MDFIC: variants seen among roughly 807,000 people sequenced by gnomAD.
MDFIC encodes myoD family inhibitor domain-containing protein.
A neutral mutation model predicts 23.2 loss-of-function variants in MDFIC; 17 were observed. The observed-to-expected ratio is 0.73, with a 90% CI of 0.50 to 1.10. The LOEUF is 1.10. Among genes scored for constraint, MDFIC ranks in the 50% least tolerant of loss-of-function variants. MDFIC has a pLI of 0.00. For synonymous variants in MDFIC, 120 were observed against 115.2 expected (o/e 1.04, Z -0.27); for missense variants, 356 against 316.6 (o/e 1.12, Z -0.95).
intron 2 of MDFIC, among the ~76,000 whole-genome samples, chr7:114,924,804 TA>T (rs1792158972): frequency 6.6e-6 from 1 of 152,204 alleles, no homozygotes; most frequent in Non-Finnish European, 1.5e-5. Flanking sequence ...TATGATGTCT[TA>T]AACAGGCAGA....
chr7:114,954,022 C>G (rs1034603369), intron 3 of MDFIC, among the ~76,000 whole-genome samples: 8 of 152,146 alleles, frequency 5.3e-5, no homozygotes, highest in African/African-American at 1.9e-4. Context: ...GTCTTATTTG[C>G]CCTTCTAGGT....
intron 3 of MDFIC, among the ~76,000 whole-genome samples, chr7:114,949,308 T>C (rs1283275935): frequency 6.6e-6 from 1 of 152,192 alleles, no homozygotes; most frequent in Non-Finnish European, 1.5e-5. Flanking sequence ...GGTAGATTTA[T>C]TCCTCTCCTA....
intron 4 of MDFIC, among the ~76,000 whole-genome samples, chr7:115,005,152 C>T (rs998899304): frequency 1.3e-5 from 2 of 152,174 alleles, no homozygotes; most frequent in African/African-American, 4.8e-5. Flanking sequence ...TTAGCATTTT[C>T]CCTTTCCTTG....
chr7:114,982,940 T>A (rs897919235), intron 4 of MDFIC, among the ~76,000 whole-genome samples: 9 of 152,196 alleles, frequency 5.9e-5, no homozygotes, highest in Admixed American at 3.9e-4. Context: ...ATGAAGCCTC[T>A]TTTGTAATGG....
intron 4 of MDFIC, among the ~76,000 whole-genome samples, chr7:114,980,741 G>A (rs974079488): frequency 2.6e-5 from 4 of 151,740 alleles, no homozygotes; most frequent in Non-Finnish European, 5.9e-5. Flanking sequence ...TTTCTATTTT[G>A]CTATGAAATC....
intron 2 of MDFIC, among the ~76,000 whole-genome samples, chr7:114,941,738 C>T (rs981446810): frequency 7.2e-5 from 11 of 152,264 alleles, no homozygotes; most frequent in African/African-American, 1.9e-4. Context: ...GCGAATCTCT[C>T]GTCCTAAATA....
intron 2 of MDFIC, among the ~76,000 whole-genome samples, chr7:114,931,222 C>G (rs774024178): frequency 1.3e-5 from 2 of 152,200 alleles, no homozygotes; most frequent in Non-Finnish European, 2.9e-5. Flanking sequence ...ATAGATTCTT[C>G]TTCTAATCAC....
At position 115,015,762 on chromosome 7, in the gene MDFIC, G is replaced by A. The variant is rs767872788; in HGVS notation, c.568G>A (p.Ala190Thr). 2.5e-6 allele frequency: 4 copies of A among 1,614,094 alleles called. No individual in the cohort carries two copies. The highest frequency in any genetic ancestry group is 3.4e-6 in the Non-Finnish European group (4 of 1,180,044). ...CCTTTGCAACATTGTCCTGGGACAA[G>A]CGTCATGTGGCATCTGCACCTCAGA... ...LTLCNIVLGQ[A>T]SCGICTSEAC... is the part of the protein sequence containing the mutation. Residue 190 changes from alanine to threonine, a missense_variant, in exon 5 of 5, where the codon GCG (alanine) becomes ACG (threonine). By Grantham distance (58) the Ala-to-Thr change is moderately conservative (BLOSUM62 0). Transcript: ENST00000393486.
Position 114,985,367 on chromosome 7 carries a change from A to G in MDFIC, c.493+5586A>G, listed in dbSNP as rs141083705. On this transcript the variant is annotated intron_variant, in intron 4 of 4. Transcript: ENST00000393486. ...GAATGTTAGCTTCTTGGAAAAGTCA[A>G]TGCCTGGATGGGGACCTGAAAGACA... Among the ~76,000 whole-genome samples the G allele has an allele frequency of 2.8e-3, 420 of 152,266 alleles. 1 individual carries two copies. The highest frequency in any genetic ancestry group is 8.8e-3 in the African/African-American group (367 of 41,552).
intron 2 of MDFIC, among the ~76,000 whole-genome samples, chr7:114,932,772 A>C (rs1177058257): frequency 1.3e-5 from 2 of 152,210 alleles, no homozygotes; most frequent in African/African-American, 4.8e-5. Flanking sequence ...GAGTTAGTGA[A>C]GTTTATAAGT....
intron 3 of MDFIC, among the ~76,000 whole-genome samples, chr7:114,942,966 C>T (rs6947846): frequency 0.81 from 123,650 of 152,138 alleles, 52,023 homozygotes; most frequent in Non-Finnish European, 0.92. Context: ...GTTCTGCTCT[C>T]GAGCTCCTGG....
At chr7:115,014,447 C>A in intron 4 of MDFIC, 2 of 1,289,678 alleles carry the variant, frequency 1.6e-6, no homozygotes, top group South Asian at 2.5e-5. Flanking sequence ...TTCTTTCCTA[C>A]ATCTTTGGTT....
At chr7:114,997,962 A>G (rs775190167) in intron 4 of MDFIC, among the ~76,000 whole-genome samples, 3 of 152,190 alleles carry the variant, frequency 2.0e-5, no homozygotes, top group Non-Finnish European at 2.9e-5. Context: ...CCGGTAGGAT[A>G]TGGCATAGTA....
intron 4 of MDFIC, among the ~76,000 whole-genome samples, chr7:115,000,710 T>C (rs1791450028): frequency 6.6e-6 from 1 of 152,226 alleles, no homozygotes; most frequent in Non-Finnish European, 1.5e-5. Flanking sequence ...ATTAAATTCC[T>C]AAGTAACTTG....
Position 114,943,084 on chromosome 7 carries a change from C to A in MDFIC, c.217+687C>A, listed in dbSNP as rs575000852. On this transcript the variant is annotated intron_variant, in intron 3 of 4. Transcript: ENST00000393486. Reference sequence around the variant, plus strand: ...CCTAGGTGTAAAGATTGCTGCTAAGCCACACCTGGAAGAGCATAGGGAGTA... The same window carrying A: ...CCTAGGTGTAAAGATTGCTGCTAAGACACACCTGGAAGAGCATAGGGAGTA... Among the ~76,000 whole-genome samples the A allele has an allele frequency of 2.0e-5, 3 of 152,288 alleles. No individual in the cohort carries two copies. In the South Asian group the frequency reaches 6.2e-4, roughly 32 times the overall value.
intron 3 of MDFIC, among the ~76,000 whole-genome samples, chr7:114,951,660 G>C (rs1000176544): frequency 6.6e-6 from 1 of 150,608 alleles, no homozygotes; most frequent in Non-Finnish European, 1.5e-5. Flanking sequence ...TCTTTTCTGT[G>C]TTTTTTTTTC....
intron 4 of MDFIC, among the ~76,000 whole-genome samples, chr7:114,982,495 G>T (rs1793435274): frequency 6.6e-6 from 1 of 151,732 alleles, no homozygotes; most frequent in Non-Finnish European, 1.5e-5. Flanking sequence ...TTCAAGACCA[G>T]CCTGGGCTAC....
chr7:114,954,651 C>T (rs1401265538), intron 3 of MDFIC, among the ~76,000 whole-genome samples: 1 of 152,170 alleles, frequency 6.6e-6, no homozygotes, highest in African/African-American at 2.4e-5. Flanking sequence ...ATATTCTAGT[C>T]CTCTCATTAC....
intron 4 of MDFIC, among the ~76,000 whole-genome samples, chr7:114,995,303 T>C (rs1213339250): frequency 6.6e-6 from 1 of 152,186 alleles, no homozygotes; most frequent in African/African-American, 2.4e-5. Flanking sequence ...CTTCCCCCTT[T>C]AGCTTGGAGA....
Sources: allele counts gnomAD v4.1 joint callset (sites outside exome capture counted in the v4.1 genomes callset), GRCh38; gene constraint gnomAD v4.1.1; transcripts MANE v1.5; gene names NCBI Gene and HGNC (gene_info 2026-07-23, HGNC 2026-07-21).